Variants in SMAD9 observed in about 807,000 individuals in gnomAD.
SMAD9 encodes SMAD family member 9.
A neutral mutation model predicts 46.1 loss-of-function variants in SMAD9; 36 were observed. That is an observed-to-expected ratio of 0.78 (90% CI 0.60 to 1.03). The LOEUF (loss-of-function observed/expected upper bound fraction) is 1.03. SMAD9 is among the 50% of genes least tolerant of loss of function. The pLI is 0.00. For synonymous variants in SMAD9, 245 were observed against 237.1 expected, an observed-to-expected ratio of 1.03 and a Z score of -0.31; for missense variants, 572 against 599.8, an observed-to-expected ratio of 0.95 and a Z score of 0.48.
At chr13:36,919,631 C>A (rs2058725745) in intron 1 of SMAD9, among the ~76,000 whole-genome samples, 1 of 151,172 alleles carries the variant, frequency 6.6e-6, no homozygotes, top group Admixed American at 6.6e-5. Context: ...CTACAGCAAG[C>A]GACCCCTCAG....
intron 1 of SMAD9, among the ~76,000 whole-genome samples, chr13:36,885,895 AAAGT>A (rs2058440912): frequency 6.6e-6 from 1 of 152,284 alleles, no homozygotes; most frequent in Admixed American, 6.5e-5. Flanking sequence ...GGAAAAGGAG[AAAGT>A]AAGAGTAAGA....
chr13:36,909,515 T>A (rs1303301758), intron 1 of SMAD9, among the ~76,000 whole-genome samples: 1 of 152,210 alleles, frequency 6.6e-6, no homozygotes, highest in South Asian at 2.1e-4. Flanking sequence ...ACACATATAG[T>A]CAGCATATTC....
At chr13:36,916,866 T>A (rs1453581922) in intron 1 of SMAD9, among the ~76,000 whole-genome samples, 2 of 146,878 alleles carry the variant, frequency 1.4e-5, no homozygotes, top group East Asian at 3.9e-4. Context: ...GAGGATCCTG[T>A]GGGAGGTGGG....
intron 6 of SMAD9, chr13:36,851,751 T>C: frequency 1.0e-6 from 1 of 968,004 alleles, no homozygotes; most frequent in East Asian, 1.1e-4. Flanking sequence ...TCTATAGTTA[T>C]ATTTACTATG....
rs200264324 is a variant in SMAD9 at position 36,887,040 on chromosome 13, G to GTTTT, written c.-186-7169_-186-7166dup. ...AGTGCAAAGGGGAGCCTTTGAATGG[G>GTTTT]TTTTTTTTTTTTTTTTTTTTTTTGT... is the stretch of plus-strand genomic sequence containing the variant. On this transcript the variant is annotated intron_variant, in intron 1 of 6. Transcript: ENST00000379826. Among the ~76,000 whole-genome samples the GTTTT allele has an allele frequency of 4.8e-3, 496 of 102,560 alleles. 3 individuals carry two copies. Among genetic ancestry groups the GTTTT allele is most frequent in the African/African-American group, 6.9e-3 (179 of 26,040 alleles). 67.3% of individuals were successfully genotyped at this position (102,560 alleles called of 152,430 possible).
In SMAD9 at chr13:36,853,520, T is replaced by C; in HGVS notation, c.1159A>G (p.Asn387Asp). 6.2e-7 allele frequency: 1 copy of C among 1,614,180 alleles called. No individual in the cohort carries two copies. The highest frequency in any genetic ancestry group is 8.5e-7 in the Non-Finnish European group (1 of 1,180,032). ...PSGCSLKVFN[N>D]QLFAQLLAQS... ...GCCAGGAGCTGAGCGAAGAGCTGGT[T>C]GTTGAAGACCTTGAGGCTGCAGCCG... Residue 387 changes from asparagine to aspartate, a missense_variant, in exon 6 of 7, where the codon AAC becomes GAC. Physicochemically the swap from Asn to Asp is conservative, Grantham distance 23. Coordinates refer to ENST00000379826, the MANE Select transcript of SMAD9 (RefSeq NM_001127217.3).
intron 5 of SMAD9, among the ~76,000 whole-genome samples, 191 bp downstream of exon 5, chr13:36,865,346 A>G (rs936767044): frequency 1.3e-5 from 2 of 152,158 alleles, no homozygotes; most frequent in African/African-American, 2.4e-5. Context: ...TTAGAGGAAG[A>G]GGGACTAAGA....
Position 36,872,740 on chromosome 13 carries a change from C to G in SMAD9, c.588G>C (p.Ala196=), listed in dbSNP as rs1411919052. 3.1e-6 allele frequency: 5 copies of G among 1,613,828 alleles called. No homozygotes were observed. Among genetic ancestry groups the G allele is most frequent in the South Asian group, 2.2e-5 (2 of 91,084 alleles). The change falls in exon 3 of 7, where the codon GCG becomes GCC. Residue 196 remains alanine (A), a synonymous_variant. Transcript: ENST00000379826. ...CSALPPSPSH[A]FSQSPCTASY... is the part of the protein sequence containing the mutation. ...TGGCCGTGCACGGGGACTGGGAGAA[C>G]GCGTGGCTGGGTGAGGGAGGGAGTG...
At chr13:36,894,639 C>T (rs2058513771) in intron 1 of SMAD9, among the ~76,000 whole-genome samples, 1 of 152,130 alleles carries the variant, frequency 6.6e-6, no homozygotes. Context: ...CTTTCTGCTT[C>T]CTGACCTCTT....
chr13:36,867,271 A>T lies in SMAD9; in HGVS notation c.781+2T>A, dbSNP rs770716081. Reference sequence around the variant, plus strand: ...ACATTTCACTGTTCATCTGCAATTTACCTCCATTTGGTATCGATAGCACTA... The same window carrying T: ...ACATTTCACTGTTCATCTGCAATTTTCCTCCATTTGGTATCGATAGCACTA... On this transcript the variant is annotated splice_donor_variant, in intron 4 of 6. Transcript: ENST00000379826. LOFTEE classifies it high-confidence loss of function. 275 of 1,524,730 alleles carry T rather than the reference A, an allele frequency of 1.8e-4. No individual in the cohort carries two copies. The highest frequency in any genetic ancestry group is 2.3e-4 in the Non-Finnish European group (263 of 1,122,622). The allele number at this position is 1,524,730 out of a possible 1,614,324, so 94.5% of individuals were successfully genotyped here.
In SMAD9 at chr13:36,865,590, G is replaced by C. The variant is rs781563938; in HGVS notation, c.950C>G (p.Ser317Cys). 2.5e-6 allele frequency: 4 copies of C among 1,613,976 alleles called. No individual in the cohort carries two copies. The African/African-American group carries it at 4.0e-5, about 16-fold the overall frequency. Residue 317 changes from serine (S) to cysteine (C), a missense_variant, in exon 5 of 7, where the codon TCT becomes TGT. By Grantham distance (112) the Ser-to-Cys change is moderately radical. Coordinates refer to ENST00000379826, the MANE Select transcript of SMAD9 (RefSeq NM_001127217.3). ...NRNRFCLGLL[S>C]NVNRNSTIEN... ...TATCGTTGAGTTTCTGTTTACATTA[G>C]AAAGAAGTCCAAGACAGAATCTGTT...
chr13:36,906,386 A>G (rs2058620198), intron 1 of SMAD9, among the ~76,000 whole-genome samples: 1 of 152,202 alleles, frequency 6.6e-6, no homozygotes, highest in African/African-American at 2.4e-5. Flanking sequence ...AATAAATGGA[A>G]AAAAATGCAG....
rs369513033 is a variant in SMAD9, at chr13:36,910,069, C to T, written c.-187+10047G>A. On this transcript the variant is annotated intron_variant, in intron 1 of 6. Coordinates refer to ENST00000379826, the MANE Select transcript of SMAD9 (RefSeq NM_001127217.3). Reference sequence around the variant, plus strand: ...AAAATTATCCGGGCGTGGTGGCGGGCGCCTGTAGTCCCAGCTACTCAGGAG... The same window carrying T: ...AAAATTATCCGGGCGTGGTGGCGGGTGCCTGTAGTCCCAGCTACTCAGGAG... Among the ~76,000 whole-genome samples the T allele has an allele frequency of 6.9e-3, 1,053 of 151,970 alleles. 4 individuals carry two copies. Among genetic ancestry groups the T allele is most frequent in the Middle Eastern group, 0.028 (8 of 290 alleles).
rs116429681 is a variant in SMAD9, at chr13:36,881,483, G to A, written c.-186-1608C>T. ...AGGTGCCTTATAACCCCCCGCTAGG[G>A]TGATCATTATCGGGCACCTCAGGTG... is the stretch of plus-strand genomic sequence containing the variant. On this transcript the variant is annotated intron_variant, in intron 1 of 6. Transcript: ENST00000379826. Among the ~76,000 whole-genome samples, 680 of 152,304 alleles carry A rather than the reference G, an allele frequency of 4.5e-3. 5 individuals are homozygous for A. Among genetic ancestry groups the A allele is most frequent in the African/African-American group, 0.016 (653 of 41,576 alleles).
chr13:36,875,086 AG>A (rs1287540147), intron 2 of SMAD9, among the ~76,000 whole-genome samples: 1 of 152,006 alleles, frequency 6.6e-6, no homozygotes, highest in African/African-American at 2.4e-5. Context: ...TATTTAGAAG[AG>A]TTTGTCTCCG....
intron 2 of SMAD9, among the ~76,000 whole-genome samples, chr13:36,876,541 G>A (rs2058347081): frequency 6.6e-6 from 1 of 151,880 alleles, no homozygotes; most frequent in Non-Finnish European, 1.5e-5. Context: ...TTTAAAATTG[G>A]GCTTATATTT....
At chr13:36,881,966 A>T (rs1187706278) in intron 1 of SMAD9, among the ~76,000 whole-genome samples, 1 of 152,224 alleles carries the variant, frequency 6.6e-6, no homozygotes, top group African/African-American at 2.4e-5. Context: ...GCTTTTTATA[A>T]AAACACTCAG....
At chr13:36,867,954 A>G (rs2058251985) in intron 3 of SMAD9, among the ~76,000 whole-genome samples, 1 of 152,230 alleles carries the variant, frequency 6.6e-6, no homozygotes, top group Non-Finnish European at 1.5e-5. Flanking sequence ...TCCGTGGATA[A>G]TAATTCATAA....
At chr13:36,877,306 G>A (rs2058354346) in intron 2 of SMAD9, among the ~76,000 whole-genome samples, 1 of 152,168 alleles carries the variant, frequency 6.6e-6, no homozygotes, top group Admixed American at 6.5e-5. Context: ...CGGTTGCAGT[G>A]AGCAGAGACT....
Sources: gnomAD v4.1 joint callset for allele counts (sites outside exome capture counted in the v4.1 genomes callset) on GRCh38, gnomAD v4.1.1 for gene constraint, MANE v1.5 for transcripts, NCBI Gene and HGNC (gene_info 2026-07-23, HGNC 2026-07-21) for gene names.